PIP5K1A: variants seen among roughly 807,000 people sequenced by gnomAD.
The protein encoded by PIP5K1A is phosphatidylinositol-4-phosphate 5-kinase type 1 alpha, also known as phosphatidylinositol 4-phosphate 5-kinase type-1 alpha.
In PIP5K1A, 46 loss-of-function variants were observed where a neutral mutation model predicts 72.9. The ratio of observed to expected loss-of-function variants is 0.63; its 90% CI spans 0.50 to 0.81. The LOEUF (loss-of-function observed/expected upper bound fraction) is 0.81. Ranked by LOEUF, PIP5K1A falls within the 30% of genes least tolerant of loss-of-function variation. PIP5K1A has a pLI of 0.00. For missense variants in PIP5K1A, 458 were observed against 706.1 expected, an observed-to-expected ratio of 0.65 and a Z score of 3.98; for synonymous variants, 228 against 255.1, an observed-to-expected ratio of 0.89 and a Z score of 1.01.
intron 1 of PIP5K1A, among the ~76,000 whole-genome samples, chr1:151,209,216 C>T (rs1263568455): frequency 6.6e-6 from 1 of 152,046 alleles, no homozygotes; most frequent in Non-Finnish European, 1.5e-5. Context: ...TCAGATAATC[C>T]AGCAAATAAC....
At chr1:151,233,793 T>C (rs1172879924) in intron 7 of PIP5K1A, 1 of 163,822 alleles carries the variant, frequency 6.1e-6, no homozygotes, top group Non-Finnish European at 1.3e-5. Context: ...AGGTAGGTTA[T>C]TTCCCTTGGT....
intron 5 of PIP5K1A, 54 bp downstream of exon 5, chr1:151,231,855 A>G: frequency 1.3e-6 from 2 of 1,581,088 alleles, no homozygotes; most frequent in Non-Finnish European, 1.7e-6. Flanking sequence ...TTTTCAAATC[A>G]GCCCAGGGCA....
chr1:151,235,380 G>A (rs1690704644), intron 8 of PIP5K1A, among the ~76,000 whole-genome samples: 1 of 152,112 alleles, frequency 6.6e-6, no homozygotes, highest in Non-Finnish European at 1.5e-5. Flanking sequence ...ACCGCACCCG[G>A]CCTAGATATC....
chr1:151,227,229 T>C (rs1304088844), intron 3 of PIP5K1A, 91 bp from the exon 4 acceptor site: 3 of 749,326 alleles, frequency 4.0e-6, no homozygotes, highest in Non-Finnish European at 7.0e-6. Flanking sequence ...AAGAATATGT[T>C]GTTTCAGTTT....
Position 151,224,223 on chromosome 1 carries a change from ATTGT to A in PIP5K1A, c.86-19_86-16del. 1 of 1,608,366 alleles carries A rather than the reference ATTGT, an allele frequency of 6.2e-7. No homozygotes were observed. The highest frequency in any genetic ancestry group is 8.5e-7 in the Non-Finnish European group (1 of 1,175,022). On this transcript the variant is annotated intron_variant, in intron 1 of 15. Coordinates refer to ENST00000368888, the MANE Select transcript of PIP5K1A (RefSeq NM_001135638.2). ...TGTGAGTGTGTGATACACTCTTATG[ATTGT>A]TTTTTTTTCCCCCCTAGCAGCATCT...
chr1:151,224,279 G>A lies in PIP5K1A; in HGVS notation c.120G>A (p.Glu40=), dbSNP rs759617601. Residue 40 remains glutamate, a splice_region_variant and synonymous_variant, in exon 2 of 16, where the codon GAG becomes GAA. Coordinates refer to ENST00000368888, the MANE Select transcript of PIP5K1A (RefSeq NM_001135638.2). ...ASGIKRPMAS[E]VLEARQDSYI... ...GAATCAAGAGACCCATGGCATCTGA[G>A]GTGAGTTTCATACTGATACAATGGT... 6.2e-7 allele frequency: 1 copy of A among 1,613,142 alleles called. No homozygotes were observed. The highest frequency in any genetic ancestry group is 2.2e-5 in the East Asian group (1 of 44,850).
intron 4 of PIP5K1A, among the ~76,000 whole-genome samples, chr1:151,228,589 A>G (rs1032364948): frequency 6.6e-6 from 1 of 152,210 alleles, no homozygotes; most frequent in African/African-American, 2.4e-5. Context: ...AAGGGAAAAC[A>G]GAAGCATCCT....
At chr1:151,203,757 C>CG (rs1218742353) in intron 1 of PIP5K1A, among the ~76,000 whole-genome samples, 1 of 149,238 alleles carries the variant, frequency 6.7e-6, no homozygotes, top group Admixed American at 6.8e-5. Flanking sequence ...CCAGGAGGCG[C>CG]GGGTTGCAGT....
intron 1 of PIP5K1A, among the ~76,000 whole-genome samples, chr1:151,200,833 TA>T (rs1320379015): frequency 2.6e-5 from 4 of 151,758 alleles, no homozygotes; most frequent in Admixed American, 2.6e-4. Flanking sequence ...TTTATTTATT[TA>T]TTTATTTATT....
chr1:151,199,114 T>A, intron 1 of PIP5K1A, 33 bp downstream of exon 1: 3 of 1,613,602 alleles, frequency 1.9e-6, no homozygotes, highest in Non-Finnish European at 2.5e-6. Context: ...AGGGAGCTGG[T>A]GAGGAATATG....
chr1:151,234,496 G>A lies in PIP5K1A; in HGVS notation c.939G>A (p.Leu313=), dbSNP rs765969976. 4.3e-6 allele frequency: 7 copies of A among 1,613,218 alleles called. No individual in the cohort carries two copies. Among genetic ancestry groups the A allele is most frequent in the Non-Finnish European group, 5.9e-6 (7 of 1,179,230 alleles). ...ALCKTLQRDC[L]VLQSFKIMDY... ...GTAAGACCCTGCAGCGTGACTGTTT[G>A]GTGAGTTTGTTACTTAGACATCAAA... The change falls in exon 8 of 16, where the codon TTG becomes TTA. Residue 313 remains leucine, a splice_region_variant and synonymous_variant. Transcript: ENST00000368888.
In PIP5K1A at chr1:151,226,080, T is replaced by C. The variant is rs1689080875; in HGVS notation, c.157-1240T>C. On this transcript the variant is annotated intron_variant, in intron 3 of 15. Transcript: ENST00000368888. The stretch of plus-strand genomic sequence containing the variant: ...AGGTGCATGCCACACCACCCAGCTA[T>C]GTTTCTTTTCTTTTTTTTTTTTTTT... Among the ~76,000 whole-genome samples the C allele has an allele frequency of 2.0e-5, 3 of 148,088 alleles. No homozygotes were observed. In the South Asian group the frequency reaches 6.4e-4, roughly 32 times the overall value.
chr1:151,235,053 C>T (rs1690657158), intron 8 of PIP5K1A, among the ~76,000 whole-genome samples: 1 of 152,206 alleles, frequency 6.6e-6, no homozygotes, highest in Non-Finnish European at 1.5e-5. Flanking sequence ...CTGCCCCTGT[C>T]ACCAATGGAT....
intron 12 of PIP5K1A, among the ~76,000 whole-genome samples, chr1:151,241,290 C>T (rs1449072982): frequency 2.6e-5 from 4 of 151,920 alleles, no homozygotes; most frequent in Admixed American, 1.3e-4. Context: ...TCACAAGGTC[C>T]GGAGATTGAG....
chr1:151,213,130 T>C lies in PIP5K1A; in HGVS notation c.86-11115T>C, dbSNP rs1335080649. Among the ~76,000 whole-genome samples the C allele has an allele frequency of 3.3e-5, 5 of 151,812 alleles. No homozygotes were observed. In the East Asian group the frequency reaches 5.8e-4, roughly 18 times the overall value. ...GATGGTCTCGATCTGACCTTGTGATTCCCCCGCCTTGGCCTCCCAAAGTGC... is the reference window on the plus strand; with the variant it reads ...GATGGTCTCGATCTGACCTTGTGATCCCCCCGCCTTGGCCTCCCAAAGTGC... On this transcript the variant is annotated intron_variant, in intron 1 of 15. Coordinates refer to ENST00000368888, the MANE Select transcript of PIP5K1A (RefSeq NM_001135638.2).
chr1:151,235,374 C>T (rs1023148911), intron 8 of PIP5K1A, among the ~76,000 whole-genome samples: 11 of 152,188 alleles, frequency 7.2e-5, no homozygotes, highest in Admixed American at 6.5e-4. Flanking sequence ...TGAGCCACCG[C>T]ACCCGGCCTA....
At chr1:151,236,326 A>C (rs587694123) in intron 8 of PIP5K1A, among the ~76,000 whole-genome samples, 1 of 151,716 alleles carries the variant, frequency 6.6e-6, no homozygotes, top group South Asian at 2.1e-4. Context: ...AAAATAAAAA[A>C]TTAGGCAGGT....
Position 151,215,171 on chromosome 1 carries a change from C to T in PIP5K1A, c.86-9074C>T, listed in dbSNP as rs587733720. Among the ~76,000 whole-genome samples, 453 of 151,744 alleles carry T rather than the reference C, an allele frequency of 3.0e-3. 6 individuals carry two copies. The highest frequency in any genetic ancestry group is 0.01 in the African/African-American group (425 of 41,366). ...TCAGCCTCCCGAGTAGCTGGGATTA[C>T]AGGCAGGTGCCACCATGCCATGCTA... On this transcript the variant is annotated intron_variant, in intron 1 of 15. Coordinates refer to ENST00000368888, the MANE Select transcript of PIP5K1A (RefSeq NM_001135638.2).
chr1:151,212,487 G>A (rs1039631535), intron 1 of PIP5K1A, among the ~76,000 whole-genome samples: 1 of 152,156 alleles, frequency 6.6e-6, no homozygotes, highest in African/African-American at 2.4e-5. Context: ...ACAATTAAAG[G>A]TGGGGCCGAG....
Sources: gnomAD v4.1 joint callset for allele counts (sites outside exome capture counted in the v4.1 genomes callset) on GRCh38, gnomAD v4.1.1 for gene constraint, MANE v1.5 for transcripts, NCBI Gene and HGNC (gene_info 2026-07-23, HGNC 2026-07-21) for gene names.